The following MACROD2 variants were observed in gnomAD, a reference collection of about 807,000 sequenced individuals.
MACROD2 encodes the protein mono-ADP ribosylhydrolase 2.
In MACROD2, 36 loss-of-function variants were observed where a neutral mutation model predicts 70.4. The observed-to-expected ratio is 0.51, with a 90% CI of 0.39 to 0.68. MACROD2 has a LOEUF of 0.68. Among genes scored for constraint, MACROD2 ranks in the 30% least tolerant of loss-of-function variants. The pLI is 0.00. For synonymous variants in MACROD2, 172 were observed against 178.8 expected, an observed-to-expected ratio of 0.96 and a Z score of 0.30; for missense variants, 496 against 538.4, an observed-to-expected ratio of 0.92 and a Z score of 0.78.
intron 8 of MACROD2, among the ~76,000 whole-genome samples, chr20:15,514,112 G>A (rs1600518457): frequency 2.0e-5 from 3 of 152,232 alleles, no homozygotes; most frequent in Admixed American, 2.0e-4. Context: ...TTTAAACTGT[G>A]TTATTACAAG....
At chr20:15,543,328 T>C (rs935750983) in intron 8 of MACROD2, among the ~76,000 whole-genome samples, 2 of 152,124 alleles carry the variant, frequency 1.3e-5, no homozygotes, top group Non-Finnish European at 2.9e-5. Flanking sequence ...AAGATTATAG[T>C]GAATATTAAG....
intron 5 of MACROD2, among the ~76,000 whole-genome samples, chr20:14,852,556 C>A (rs1438324619): frequency 2.0e-5 from 3 of 152,006 alleles, no homozygotes; most frequent in Non-Finnish European, 4.4e-5. Flanking sequence ...TTTGGAGAGC[C>A]TCTGGTAACA....
At chr20:15,155,979 G>T (rs1333685160) in intron 5 of MACROD2, among the ~76,000 whole-genome samples, 1 of 152,152 alleles carries the variant, frequency 6.6e-6, no homozygotes. Flanking sequence ...ACATCCTGGT[G>T]TGTGGGTTTT....
At chr20:15,666,519 A>G (rs1177151224) in intron 8 of MACROD2, among the ~76,000 whole-genome samples, 2 of 152,124 alleles carry the variant, frequency 1.3e-5, no homozygotes, top group Admixed American at 6.5e-5. Flanking sequence ...ATAAAAATTT[A>G]TGTATTTTTT....
At chr20:14,103,606 A>C (rs143857817) in intron 3 of MACROD2, among the ~76,000 whole-genome samples, 1 of 152,178 alleles carries the variant, frequency 6.6e-6, no homozygotes, top group East Asian at 1.9e-4. Flanking sequence ...AAGTATATAT[A>C]TCATTGTTTG....
chr20:14,864,940 T>C (rs1428512811), intron 5 of MACROD2, among the ~76,000 whole-genome samples: 1 of 152,154 alleles, frequency 6.6e-6, no homozygotes, highest in Non-Finnish European at 1.5e-5. Flanking sequence ...TTGAATTTCA[T>C]GGTGACTCCA....
intron 4 of MACROD2, among the ~76,000 whole-genome samples, chr20:14,554,181 C>T (rs1264045728): frequency 1.3e-5 from 2 of 152,128 alleles, no homozygotes; most frequent in Non-Finnish European, 1.5e-5. Context: ...TCAAAGGTTG[C>T]CTATGAATCA....
At chr20:14,431,241 T>C (rs6074736) in intron 3 of MACROD2, among the ~76,000 whole-genome samples, 1 of 152,132 alleles carries the variant, frequency 6.6e-6, no homozygotes, top group African/African-American at 2.4e-5. Flanking sequence ...TTATTGTGTA[T>C]GCAAGGAGGC....
chr20:14,103,843 ATTATT>A (rs1294283232), intron 3 of MACROD2, among the ~76,000 whole-genome samples: 3 of 152,232 alleles, frequency 2.0e-5, no homozygotes, highest in Admixed American at 6.5e-5. Flanking sequence ...GGAAATTTAA[ATTATT>A]TTAAGTTTTT....
chr20:14,324,584 C>G (rs567937570), intron 3 of MACROD2: 1 of 152,050 alleles, frequency 6.6e-6, no homozygotes, highest in African/African-American at 2.4e-5. Context: ...TGAGGGGAAT[C>G]GCTTATAATT....
chr20:14,525,410 T>C (rs978053764), intron 4 of MACROD2, among the ~76,000 whole-genome samples: 14 of 152,250 alleles, frequency 9.2e-5, no homozygotes, highest in Non-Finnish European at 2.1e-4. Flanking sequence ...TAGCAGGTGC[T>C]GCGTTAGTTA....
chr20:15,905,255 T>C (rs752592844), intron 10 of MACROD2, among the ~76,000 whole-genome samples: 10 of 152,216 alleles, frequency 6.6e-5, no homozygotes, highest in Non-Finnish European at 1.3e-4. Context: ...GGAAACTTTC[T>C]TTTAAAACTC....
At chr20:14,606,033 C>A (rs1982779923) in intron 4 of MACROD2, among the ~76,000 whole-genome samples, 1 of 152,060 alleles carries the variant, frequency 6.6e-6, no homozygotes, top group Admixed American at 6.6e-5. Context: ...TTTCAGCTCA[C>A]AGGGATACCC....
At chr20:15,299,459 G>A (rs189570042) in intron 6 of MACROD2, among the ~76,000 whole-genome samples, 38 of 152,328 alleles carry the variant, frequency 2.5e-4, no homozygotes, top group South Asian at 6.2e-4. Flanking sequence ...TTACGGTTTT[G>A]CAGATACTGT....
chr20:15,848,483 C>T (rs2064259875), intron 8 of MACROD2, among the ~76,000 whole-genome samples: 1 of 152,060 alleles, frequency 6.6e-6, no homozygotes, highest in Non-Finnish European at 1.5e-5. Flanking sequence ...TGTGACAAAA[C>T]CCAAATTTAA....
intron 4 of MACROD2, among the ~76,000 whole-genome samples, chr20:14,559,025 G>A (rs1025323895): frequency 1.6e-4 from 25 of 151,826 alleles, no homozygotes; most frequent in African/African-American, 5.5e-4. Context: ...TCCATGAGTT[G>A]TAACGTTCTT....
intron 6 of MACROD2, among the ~76,000 whole-genome samples, chr20:15,289,123 C>T (rs1043111262): frequency 1.3e-5 from 2 of 152,174 alleles, no homozygotes; most frequent in Non-Finnish European, 2.9e-5. Flanking sequence ...ATGCTAATCA[C>T]ATGGTCTTAA....
chr20:14,067,459 T>G (rs2053778891), intron 2 of MACROD2, among the ~76,000 whole-genome samples: 1 of 152,194 alleles, frequency 6.6e-6, no homozygotes, highest in African/African-American at 2.4e-5. Flanking sequence ...TTATTTCCTT[T>G]TTTATAAATG....
At chr20:14,043,250 G>A (rs960551472) in intron 2 of MACROD2, among the ~76,000 whole-genome samples, 2 of 152,080 alleles carry the variant, frequency 1.3e-5, no homozygotes, top group Non-Finnish European at 2.9e-5. Context: ...TGCTTCTGAC[G>A]GACCAACTAT....
Sources: allele counts gnomAD v4.1 joint callset (sites outside exome capture counted in the v4.1 genomes callset), GRCh38; gene constraint gnomAD v4.1.1; transcripts MANE v1.5; gene names NCBI Gene and HGNC (gene_info 2026-07-23, HGNC 2026-07-21).